GPC5: variants seen among roughly 807,000 people sequenced by gnomAD.
GPC5 encodes the protein glypican 5, also known as glypican-5.
GPC5 carries 47 observed loss-of-function variants against 53.9 expected under a neutral mutation model. The observed-to-expected ratio is 0.87, with a 90% CI of 0.69 to 1.11. GPC5 has a LOEUF of 1.11. Among genes scored for constraint, GPC5 ranks in the 50% most tolerant of loss-of-function variants. The pLI is 0.00. For missense variants in GPC5, 748 were observed against 713.1 expected (o/e 1.05, Z -0.56); for synonymous variants, 286 against 263.3 (o/e 1.09, Z -0.84).
chr13:92,316,213 T>TA (rs539802686), intron 7 of GPC5, among the ~76,000 whole-genome samples: 15 of 152,118 alleles, frequency 9.9e-5, no homozygotes, highest in Middle Eastern at 6.8e-3. Context: ...TATATAAACT[T>TA]AAAAAAAATT....
At chr13:91,963,737 G>A (rs535869588) in intron 6 of GPC5, among the ~76,000 whole-genome samples, 1 of 152,160 alleles carries the variant, frequency 6.6e-6, no homozygotes, top group Admixed American at 6.5e-5. Context: ...TAAGAATAGG[G>A]ATAAATAAAT....
chr13:92,327,424 C>T (rs768934594), intron 7 of GPC5, among the ~76,000 whole-genome samples: 20 of 152,248 alleles, frequency 1.3e-4, no homozygotes, highest in Middle Eastern at 3.4e-3. Context: ...AGGAAATTAG[C>T]ATGTTCTCTT....
chr13:92,503,355 T>C (rs1880257709), intron 7 of GPC5, among the ~76,000 whole-genome samples: 1 of 151,402 alleles, frequency 6.6e-6, no homozygotes, highest in Non-Finnish European at 1.5e-5. Context: ...TGAGGAAAAA[T>C]GAAAATTCAG....
At chr13:92,531,205 T>C (rs1881552721) in intron 7 of GPC5, among the ~76,000 whole-genome samples, 1 of 152,148 alleles carries the variant, frequency 6.6e-6, no homozygotes, top group South Asian at 2.1e-4. Context: ...GAGCCATCCA[T>C]AATCTCACTG....
In GPC5 at chr13:91,647,067, ATGCGTGTGTGTGTG is replaced by A. The variant is rs1472859262; in HGVS notation, c.326-46117_326-46104del. On this transcript the variant is annotated intron_variant, in intron 2 of 7. Transcript: ENST00000377067. ...ACAACTTGCTAAGGATAATATATAT[ATGCGTGTGTGTGTG>A]TGTGTGTGTGTGTGTGTGTGTGTGT... is the stretch of plus-strand genomic sequence containing the variant. Among the ~76,000 whole-genome samples the A allele has an allele frequency of 1.1e-3, 137 of 127,762 alleles. 4 individuals are homozygous for A. Among genetic ancestry groups the A allele is most frequent in the African/African-American group, 3.7e-3 (132 of 35,652 alleles). 83.8% of individuals were successfully genotyped at this position (127,762 alleles called of 152,430 possible). A position where few individuals can be genotyped will look rare whatever the true frequency, so the allele number is the denominator to read the frequency against.
At position 91,449,051 on chromosome 13, in the gene GPC5, T is replaced by A. The variant is rs1450537041; in HGVS notation, c.325+129T>A. The A allele has an allele frequency of 1.0e-5, 11 of 1,058,616 alleles. No homozygotes were observed. In the East Asian group the frequency reaches 2.8e-4, roughly 27 times the overall value. The allele number at this position is 1,058,616 out of a possible 1,614,324, so 65.6% of individuals were successfully genotyped here. On this transcript the variant is annotated intron_variant, in intron 2 of 7. Transcript: ENST00000377067. ...CATAATATTCGGGTATAAAATGAGG[T>A]TTTAACTTTTTCTAGCCTTCAAAAC...
chr13:92,760,188 G>A (rs1161594370), intron 7 of GPC5, among the ~76,000 whole-genome samples: 1 of 152,010 alleles, frequency 6.6e-6, no homozygotes, highest in African/African-American at 2.4e-5. Flanking sequence ...AGGTAATACT[G>A]ATCTTGCAAA....
intron 6 of GPC5, among the ~76,000 whole-genome samples, chr13:91,975,323 G>A (rs2040288693): frequency 6.6e-6 from 1 of 152,182 alleles, no homozygotes; most frequent in Non-Finnish European, 1.5e-5. Context: ...TACCGTCAGA[G>A]TGAACACGCA....
At chr13:92,188,373 C>G (rs929026841) in intron 7 of GPC5, among the ~76,000 whole-genome samples, 1 of 151,966 alleles carries the variant, frequency 6.6e-6, no homozygotes, top group Non-Finnish European at 1.5e-5. Flanking sequence ...CACAAGCACT[C>G]AATTAATTAA....
At chr13:92,759,717 C>T (rs1226273602) in intron 7 of GPC5, among the ~76,000 whole-genome samples, 1 of 151,822 alleles carries the variant, frequency 6.6e-6, no homozygotes, top group Non-Finnish European at 1.5e-5. Context: ...TTTTTCTTGT[C>T]TAATTACTCT....
chr13:92,469,073 G>T (rs898496158), intron 7 of GPC5, among the ~76,000 whole-genome samples: 5 of 152,244 alleles, frequency 3.3e-5, no homozygotes, highest in African/African-American at 1.2e-4. Flanking sequence ...TGGATACAGG[G>T]TGGGGTGCAT....
At chr13:92,345,532 C>T (rs1466505454) in intron 7 of GPC5, among the ~76,000 whole-genome samples, 1 of 152,086 alleles carries the variant, frequency 6.6e-6, no homozygotes, top group Non-Finnish European at 1.5e-5. Flanking sequence ...ATATAAAAAC[C>T]ACGCATCTTT....
chr13:92,335,519 A>G (rs2043316130), intron 7 of GPC5, among the ~76,000 whole-genome samples: 1 of 152,058 alleles, frequency 6.6e-6, no homozygotes, highest in Non-Finnish European at 1.5e-5. Flanking sequence ...GCTCCTCATT[A>G]CCTATGCAAA....
At chr13:92,174,369 A>C (rs1028762023) in intron 7 of GPC5, among the ~76,000 whole-genome samples, 89 of 150,466 alleles carry the variant, frequency 5.9e-4, no homozygotes, top group African/African-American at 2.1e-3. Context: ...AAAACACAAA[A>C]AAAAAAACAA....
chr13:92,789,231 A>C (rs965171009), intron 7 of GPC5, among the ~76,000 whole-genome samples: 6 of 152,124 alleles, frequency 3.9e-5, no homozygotes, highest in Non-Finnish European at 5.9e-5. Context: ...CACTGTTCTC[A>C]TGAGGCCCTT....
chr13:92,643,898 C>CAT (rs1885677529), intron 7 of GPC5, among the ~76,000 whole-genome samples: 1 of 151,940 alleles, frequency 6.6e-6, no homozygotes, highest in South Asian at 2.1e-4. Context: ...CACACACACA[C>CAT]ATAGCATATG....
chr13:92,823,087 C>T (rs1877727453), intron 7 of GPC5, among the ~76,000 whole-genome samples: 1 of 152,024 alleles, frequency 6.6e-6, no homozygotes, highest in South Asian at 2.1e-4. Context: ...AAAATGACCT[C>T]CAGGTGGAAA....
intron 6 of GPC5, among the ~76,000 whole-genome samples, chr13:92,008,862 C>T (rs2138769837): frequency 6.6e-6 from 1 of 152,040 alleles, no homozygotes; most frequent in South Asian, 2.1e-4. Context: ...TCATTTTTTT[C>T]CTTTTTTTCT....
At chr13:92,727,197 A>G (rs1027746213) in intron 7 of GPC5, among the ~76,000 whole-genome samples, 4 of 151,462 alleles carry the variant, frequency 2.6e-5, no homozygotes, top group Non-Finnish European at 5.9e-5. Context: ...TGCTATATCC[A>G]TGGTCTTTGA....
Sources: allele counts gnomAD v4.1 joint callset (sites outside exome capture counted in the v4.1 genomes callset), GRCh38; gene constraint gnomAD v4.1.1; transcripts MANE v1.5; gene names NCBI Gene and HGNC (gene_info 2026-07-23, HGNC 2026-07-21).